PLAA: variants seen among roughly 807,000 people sequenced by gnomAD.
The protein encoded by PLAA is phospholipase A2 activating protein, also known as phospholipase A-2-activating protein.
PLAA carries 48 observed loss-of-function variants against 84.1 expected under a neutral mutation model. The ratio of observed to expected loss-of-function variants is 0.57; its 90% CI spans 0.45 to 0.73. The LOEUF (loss-of-function observed/expected upper bound fraction) is 0.73. PLAA is among the 30% of genes least tolerant of loss of function. The pLI is 0.00. For synonymous variants in PLAA, 392 were observed against 336.6 expected, an observed-to-expected ratio of 1.16 and a Z score of -1.80; for missense variants, 903 against 954.7, an observed-to-expected ratio of 0.95 and a Z score of 0.71.
At position 26,905,930 on chromosome 9, in the gene PLAA, G is replaced by A; in HGVS notation, c.1969C>T (p.Leu657=). The change falls in exon 14 of 14, where the codon CTG becomes TTG. Residue 657 remains leucine, a synonymous_variant. Transcript: ENST00000397292. ...LNPKGKPANQ[L]LALRTFCNCF... ...TTGCAAAAAGTCCTGAGAGCAAGCA[G>A]CTGGTTTGCTGGCTTTCCTTTAGGG... 6.2e-7 allele frequency: 1 copy of A among 1,614,192 alleles called. No homozygotes were observed. Among genetic ancestry groups the A allele is most frequent in the Non-Finnish European group, 8.5e-7 (1 of 1,180,030 alleles).
chr9:26,906,204 C>A, intron 13 of PLAA, 128 bp from the exon 14 acceptor site: 1 of 557,134 alleles, frequency 1.8e-6, no homozygotes, highest in South Asian at 4.1e-5. Context: ...AATCATGTGT[C>A]TGCTTTAAAA....
rs539778490 is a variant in PLAA, at chr9:26,947,189, G to C, written c.-144C>G. On this transcript the variant is annotated 5_prime_UTR_variant, in exon 1 of 14. Transcript: ENST00000397292. ...ACCGGAAGAGCCCGAGAGCCGGTACGGAAGGGCGGCTGGGAAGGGGCGCGC... is the reference window on the plus strand; with the variant it reads ...ACCGGAAGAGCCCGAGAGCCGGTACCGAAGGGCGGCTGGGAAGGGGCGCGC... The C allele has an allele frequency of 2.0e-6, 2 of 995,150 alleles. No homozygotes were observed. Among genetic ancestry groups the C allele is most frequent in the East Asian group, 3.1e-5 (1 of 32,100 alleles). The allele number at this position is 995,150 out of a possible 1,614,324, so 61.6% of individuals were successfully genotyped here.
intron 2 of PLAA, among the ~76,000 whole-genome samples, chr9:26,933,957 C>T (rs138920479): frequency 1.3e-5 from 2 of 152,146 alleles, no homozygotes; most frequent in African/African-American, 4.8e-5. Flanking sequence ...TACAAGCATG[C>T]ACCACCATGT....
Position 26,926,358 on chromosome 9 carries a change from C to T in PLAA, c.733+35G>A, listed in dbSNP as rs199584386. ...AAATGGGATGGAATAATGCTCAATACAAAACATTAAATAAATAGCATAAAA... is the reference window on the plus strand; with the variant it reads ...AAATGGGATGGAATAATGCTCAATATAAAACATTAAATAAATAGCATAAAA... On this transcript the variant is annotated intron_variant, in intron 5 of 13. Coordinates refer to ENST00000397292, the MANE Select transcript of PLAA (RefSeq NM_001031689.3). 95 of 1,431,064 alleles carry T rather than the reference C, an allele frequency of 6.6e-5. 1 individual carries two copies. The Middle Eastern group carries it at 8.8e-4, about 13-fold the overall frequency. 88.6% of individuals were successfully genotyped at this position (1,431,064 alleles called of 1,614,324 possible). A position where few individuals can be genotyped will look rare whatever the true frequency, so the allele number is the denominator to read the frequency against.
chr9:26,938,380 T>A (rs1181092960), intron 1 of PLAA, among the ~76,000 whole-genome samples: 1 of 151,832 alleles, frequency 6.6e-6, no homozygotes, highest in Non-Finnish European at 1.5e-5. Flanking sequence ...CGAAACCCCA[T>A]CTTGAAAAAT....
chr9:26,925,603 A>G lies in PLAA; in HGVS notation c.869+222T>C, dbSNP rs530447226. On this transcript the variant is annotated intron_variant, in intron 6 of 13. Transcript: ENST00000397292. ...TGCACAATTGCAGTACAATACTGGT[A>G]TATCATGCATCATTGACTGCACAAT... Among the ~76,000 whole-genome samples, 9 of 151,756 alleles carry G rather than the reference A, an allele frequency of 5.9e-5. No individual in the cohort carries two copies. In the East Asian group the frequency reaches 1.7e-3, roughly 29 times the overall value.
At chr9:26,918,865 C>G (rs927547434) in intron 9 of PLAA, among the ~76,000 whole-genome samples, 1 of 152,026 alleles carries the variant, frequency 6.6e-6, no homozygotes, top group African/African-American at 2.4e-5. Flanking sequence ...ACGATGTATA[C>G]GATGTTACAA....
At chr9:26,911,495 G>C (rs775996071) in intron 11 of PLAA, among the ~76,000 whole-genome samples, 1 of 152,076 alleles carries the variant, frequency 6.6e-6, no homozygotes, top group Non-Finnish European at 1.5e-5. Flanking sequence ...CACCATGTTG[G>C]TTGGGCTGGT....
chr9:26,911,731 T>G (rs1012879902), intron 11 of PLAA, among the ~76,000 whole-genome samples: 1 of 152,256 alleles, frequency 6.6e-6, no homozygotes. Flanking sequence ...TAAAGTATAA[T>G]TTAAATCTAA....
At chr9:26,929,302 G>C (rs1419242829) in intron 2 of PLAA, among the ~76,000 whole-genome samples, 2 of 152,022 alleles carry the variant, frequency 1.3e-5, no homozygotes, top group Non-Finnish European at 2.9e-5. Context: ...CCAGCCTGGG[G>C]CAATATAGTG....
intron 8 of PLAA, among the ~76,000 whole-genome samples, chr9:26,919,823 A>C (rs1298341307): frequency 1.3e-5 from 2 of 152,198 alleles, no homozygotes; most frequent in African/African-American, 4.8e-5. Context: ...TCAAGATCAA[A>C]ATTATCAGCT....
At chr9:26,917,070 G>C (rs200337144) in intron 10 of PLAA, 27 bp downstream of exon 10, 1 of 1,582,164 alleles carries the variant, frequency 6.3e-7, no homozygotes, top group Non-Finnish European at 8.7e-7. Context: ...AGTGAAGAAA[G>C]ATACATGAAT....
intron 1 of PLAA, among the ~76,000 whole-genome samples, chr9:26,943,967 C>G (rs1391975779): frequency 6.6e-6 from 1 of 152,146 alleles, no homozygotes; most frequent in East Asian, 1.9e-4. Flanking sequence ...AAAACAAAAT[C>G]ACACAAATAT....
Position 26,933,874 on chromosome 9 carries a change from T to C in PLAA, c.343+1139A>G, listed in dbSNP as rs192360771. Among the ~76,000 whole-genome samples, 277 of 152,008 alleles carry C rather than the reference T, an allele frequency of 1.8e-3. 1 individual carries two copies. Among genetic ancestry groups the C allele is most frequent in the African/African-American group, 6.4e-3 (266 of 41,480 alleles). ...CCCAGGCTGGAGTGTGGTGGTGTGA[T>C]CACAGCTCACTGCAGCCTCCAACTC... is the stretch of plus-strand genomic sequence containing the variant. On this transcript the variant is annotated intron_variant, in intron 2 of 13. Transcript: ENST00000397292.
intron 1 of PLAA, among the ~76,000 whole-genome samples, 164 bp from the exon 2 acceptor site, chr9:26,935,370 A>C (rs1048463150): frequency 1.4e-4 from 21 of 152,218 alleles, no homozygotes; most frequent in African/African-American, 5.1e-4. Context: ...AATTCATATG[A>C]ACTACTATAG....
chr9:26,936,428 T>C (rs965147958), intron 1 of PLAA, among the ~76,000 whole-genome samples: 1 of 152,196 alleles, frequency 6.6e-6, no homozygotes, highest in East Asian at 1.9e-4. Context: ...GCACCAGGCA[T>C]CTGTTTTCCC....
chr9:26,915,362 TAAGTAATTTAAAC>T (rs1218707197), intron 10 of PLAA, among the ~76,000 whole-genome samples: 1 of 152,154 alleles, frequency 6.6e-6, no homozygotes, highest in African/African-American at 2.4e-5. Flanking sequence ...AACCCTGGGA[TAAGTAATTTAAAC>T]AAGCTTCCCA....
rs143940586 is a variant in PLAA, at chr9:26,908,228, C to T, written c.1658-230G>A. ...AGTCGCCCAGGCTGGAGTGCAGTGG[C>T]GCCATCTTGGCTCACTGCAAGCTCG... On this transcript the variant is annotated intron_variant, in intron 12 of 13. Coordinates refer to ENST00000397292, the MANE Select transcript of PLAA (RefSeq NM_001031689.3). 4.6e-3 allele frequency among the ~76,000 whole-genome samples: 676 copies of T among 146,038 alleles called. 5 individuals carry two copies. Among genetic ancestry groups the T allele is most frequent in the Middle Eastern group, 0.011 (3 of 264 alleles).
intron 6 of PLAA, among the ~76,000 whole-genome samples, chr9:26,924,787 G>T (rs943539181): frequency 1.3e-5 from 2 of 152,046 alleles, no homozygotes; most frequent in African/African-American, 4.8e-5. Context: ...TTAGTCTTCT[G>T]TTCCTCCCCT....
Sources: gnomAD v4.1 joint callset for allele counts (sites outside exome capture counted in the v4.1 genomes callset) on GRCh38, gnomAD v4.1.1 for gene constraint, MANE v1.5 for transcripts, NCBI Gene and HGNC (gene_info 2026-07-23, HGNC 2026-07-21) for gene names.